CAMK2D: variants seen among roughly 807,000 people sequenced by gnomAD.
CAMK2D encodes the protein calcium/calmodulin dependent protein kinase II delta.
Under a neutral mutation model 84.0 loss-of-function variants are expected in CAMK2D, and 37 were observed. The ratio of observed to expected loss-of-function variants is 0.44; its 90% confidence interval spans 0.34 to 0.58. CAMK2D has a LOEUF of 0.58. CAMK2D is among the 20% of genes least tolerant of loss of function. The probability of loss-of-function intolerance (pLI) is 0.02; values close to 1 mark genes in which losing one functional copy is unlikely to be tolerated. For missense variants in CAMK2D, 448 were observed against 652.5 expected, an observed-to-expected ratio of 0.69 and a Z score of 3.41; for synonymous variants, 202 against 212.5, an observed-to-expected ratio of 0.95 and a Z score of 0.43.
intron 2 of CAMK2D, among the ~76,000 whole-genome samples, chr4:113,726,362 G>A (rs757824334): frequency 5.9e-5 from 7 of 118,590 alleles, no homozygotes; most frequent in Non-Finnish European, 8.7e-5. Context: ...AAGATTGCTT[G>A]TTTTGCTTGG....
intron 12 of CAMK2D, among the ~76,000 whole-genome samples, chr4:113,512,630 T>C (rs2098230806): frequency 6.6e-6 from 1 of 152,204 alleles, no homozygotes; most frequent in Non-Finnish European, 1.5e-5. Flanking sequence ...TGGAGTGCAG[T>C]GGCGTGATCT....
chr4:113,731,350 T>C (rs566319446), intron 2 of CAMK2D, among the ~76,000 whole-genome samples: 1 of 152,280 alleles, frequency 6.6e-6, no homozygotes, highest in East Asian at 1.9e-4. Context: ...TCAGGCCTTA[T>C]AAAGAAATAA....
chr4:113,637,644 G>A (rs1464576071), intron 3 of CAMK2D, among the ~76,000 whole-genome samples: 3 of 150,514 alleles, frequency 2.0e-5, no homozygotes, highest in Admixed American at 1.3e-4. Context: ...AACTATTCAG[G>A]GGGTTTCCTT....
At chr4:113,493,378 A>G (rs1368834286) in intron 16 of CAMK2D, among the ~76,000 whole-genome samples, 1 of 150,512 alleles carries the variant, frequency 6.6e-6, no homozygotes, top group Non-Finnish European at 1.5e-5. Flanking sequence ...TCTGTAAAGT[A>G]TTTTATTTCT....
At chr4:113,660,841 G>A (rs2099227489) in intron 3 of CAMK2D, among the ~76,000 whole-genome samples, 1 of 149,620 alleles carries the variant, frequency 6.7e-6, no homozygotes, top group East Asian at 1.9e-4. Flanking sequence ...CTCGTCCCAG[G>A]CTGGAGTGCA....
chr4:113,640,570 G>T (rs1437963616), intron 3 of CAMK2D, among the ~76,000 whole-genome samples: 1 of 152,144 alleles, frequency 6.6e-6, no homozygotes, highest in Non-Finnish European at 1.5e-5. Flanking sequence ...TTGTAATGGG[G>T]AAGGTATGGA....
At chr4:113,458,239 C>G (rs1249618358) in intron 18 of CAMK2D, among the ~76,000 whole-genome samples, 1 of 152,186 alleles carries the variant, frequency 6.6e-6, no homozygotes, top group Non-Finnish European at 1.5e-5. Context: ...TTTCCCTTGA[C>G]TGAGTAGCCC....
chr4:113,645,296 A>G (rs2099147433), intron 3 of CAMK2D, among the ~76,000 whole-genome samples: 1 of 152,202 alleles, frequency 6.6e-6, no homozygotes, highest in South Asian at 2.1e-4. Context: ...GATTTTAGGC[A>G]TGAGCCACCA....
At chr4:113,569,381 G>C (rs182740366) in intron 4 of CAMK2D, among the ~76,000 whole-genome samples, 35 of 152,164 alleles carry the variant, frequency 2.3e-4, no homozygotes, top group African/African-American at 8.0e-4. Context: ...CTTACATTTA[G>C]GTCTTTGATC....
chr4:113,454,100 A>AC lies in CAMK2D; in HGVS notation c.*444_*445insG, dbSNP rs1428337335. 2.0e-5 allele frequency: 3 copies of AC among 152,932 alleles called. No individual in the cohort carries two copies. Among genetic ancestry groups the AC allele is most frequent in the African/African-American group, 7.3e-5 (3 of 41,352 alleles). 9.5% of individuals were successfully genotyped at this position (152,932 alleles called of 1,614,324 possible). ...TTTTTTTACCTTAAAAAAAAAAAAA[A>AC]AAACCAAACAAACCAAAACAGATTA... On this transcript the variant is annotated 3_prime_UTR_variant, in exon 21 of 21. Coordinates refer to ENST00000511664, the MANE Select transcript of CAMK2D (RefSeq NM_001321571.2).
At chr4:113,678,116 T>C (rs2099326493) in intron 2 of CAMK2D, among the ~76,000 whole-genome samples, 2 of 152,060 alleles carry the variant, frequency 1.3e-5, no homozygotes, top group African/African-American at 4.8e-5. Flanking sequence ...TTTGTAAGAG[T>C]TGTCATTAGA....
intron 2 of CAMK2D, among the ~76,000 whole-genome samples, chr4:113,662,562 A>G (rs1473895505): frequency 6.6e-6 from 1 of 152,192 alleles, no homozygotes; most frequent in Non-Finnish European, 1.5e-5. Context: ...TCATTAGTTG[A>G]AAACTTATAC....
At chr4:113,588,468 T>C (rs987957685) in intron 4 of CAMK2D, among the ~76,000 whole-genome samples, 50 of 152,322 alleles carry the variant, frequency 3.3e-4, no homozygotes, top group African/African-American at 1.2e-3. Context: ...AAACGTATCA[T>C]GATGTCTCAT....
At chr4:113,485,273 C>T (rs775400025) in intron 16 of CAMK2D, among the ~76,000 whole-genome samples, 24 of 152,186 alleles carry the variant, frequency 1.6e-4, no homozygotes, top group Non-Finnish European at 3.1e-4. Context: ...TTTCTGCCCA[C>T]TAAAATCTAA....
At chr4:113,487,367 T>C (rs1339343638) in intron 16 of CAMK2D, among the ~76,000 whole-genome samples, 1 of 152,148 alleles carries the variant, frequency 6.6e-6, no homozygotes, top group African/African-American at 2.4e-5. Flanking sequence ...TAACTTTACA[T>C]AATTTATAGA....
At chr4:113,647,820 A>AT (rs2099157741) in intron 3 of CAMK2D, among the ~76,000 whole-genome samples, 1 of 152,234 alleles carries the variant, frequency 6.6e-6, no homozygotes, top group African/African-American at 2.4e-5. Flanking sequence ...ATGTAATTTA[A>AT]TTTTGAATGG....
chr4:113,642,742 T>C (rs1023182118), intron 3 of CAMK2D, among the ~76,000 whole-genome samples: 5 of 152,086 alleles, frequency 3.3e-5, no homozygotes, highest in South Asian at 2.1e-4. Context: ...TTTTCTTTTT[T>C]TTTTTTCAAG....
chr4:113,530,927 T>C (rs895737982), intron 8 of CAMK2D, among the ~76,000 whole-genome samples: 4 of 151,858 alleles, frequency 2.6e-5, no homozygotes. Context: ...CTACTAAAAA[T>C]ACAGAAATTA....
intron 6 of CAMK2D, among the ~76,000 whole-genome samples, chr4:113,545,066 T>C (rs1360368558): frequency 6.6e-6 from 1 of 152,226 alleles, no homozygotes; most frequent in African/African-American, 2.4e-5. Context: ...CTTTATGTTA[T>C]TCAAATATTA....
Sources: allele counts gnomAD v4.1 joint callset (sites outside exome capture counted in the v4.1 genomes callset), GRCh38; gene constraint gnomAD v4.1.1; transcripts MANE v1.5; gene names NCBI Gene and HGNC (gene_info 2026-07-23, HGNC 2026-07-21).